The following DPF1 variants were observed in gnomAD, a reference collection of about 807,000 sequenced individuals.
The protein encoded by DPF1 is double PHD fingers 1, also known as zinc finger protein neuro-d4.
In DPF1, 14 loss-of-function variants were observed where a neutral mutation model predicts 58.7. The observed-to-expected ratio is 0.24, with a 90% CI of 0.16 to 0.37. The LOEUF (loss-of-function observed/expected upper bound fraction) is 0.37, where lower values mean the gene tolerates loss of function less well. Among genes scored for constraint, DPF1 ranks in the 10% least tolerant of loss-of-function variants. DPF1 has a pLI of 1.00. For missense variants in DPF1, 345 were observed against 529.9 expected (o/e 0.65, Z 3.43); for synonymous variants, 216 against 216.0 (o/e 1.00, Z 0.00).
chr19:38,217,676 C>T, intron 6 of DPF1, 85 bp from the exon 7 acceptor site: 1 of 1,542,602 alleles, frequency 6.5e-7, no homozygotes, highest in African/African-American at 1.4e-5. Context: ...CACACCTCCC[C>T]CCTCAGCCAG....
chr19:38,211,264 A>C lies in DPF1; in HGVS notation c.*799T>G, dbSNP rs1973390798. 6.7e-5 allele frequency: 10 copies of C among 148,492 alleles called. No homozygotes were observed. The South Asian group carries it at 7.1e-4, about 11-fold the overall frequency. 9.2% of individuals were successfully genotyped at this position (148,492 alleles called of 1,614,324 possible). On this transcript the variant is annotated 3_prime_UTR_variant, in exon 12 of 12. Transcript: ENST00000355526. This position sits in a 1 kb window ranked among gnomAD's most constrained non-coding sequence, Gnocchi z 4.0. Reference sequence around the variant, plus strand: ...GCCAGCGAGGGGGGCGGGGGCCGCCAGGCCTGGCGGGGCGGGAGGAGGGAG... The same window carrying C: ...GCCAGCGAGGGGGGCGGGGGCCGCCCGGCCTGGCGGGGCGGGAGGAGGGAG...
chr19:38,220,392 C>G (rs1461691292), intron 3 of DPF1, among the ~76,000 whole-genome samples: 1 of 151,914 alleles, frequency 6.6e-6, no homozygotes, highest in African/African-American at 2.4e-5. Context: ...GAGGCCGAGG[C>G]GGGCAGATCA....
At chr19:38,215,273 C>CTGAG (rs976172061) in intron 9 of DPF1, among the ~76,000 whole-genome samples, 1 of 151,428 alleles carries the variant, frequency 6.6e-6, no homozygotes, top group Non-Finnish European at 1.5e-5. Context: ...GGCAGATCAC[C>CTGAG]TGAGGTCAGG....
intron 7 of DPF1, 49 bp downstream of exon 7, chr19:38,217,394 CCCAGCTGGGCTCCTCTT>C: frequency 8.9e-7 from 1 of 1,128,156 alleles, no homozygotes; most frequent in South Asian, 1.4e-5. Flanking sequence ...CACCCCCACC[CCCAGCTGGGCTCCTCTT>C]CCCCACTCCC....
chr19:38,217,578 C>T lies in DPF1; in HGVS notation c.609G>A (p.Arg203=). The change falls in exon 7 of 12, where the codon CGG becomes CGA. Residue 203 remains arginine, a synonymous_variant. Transcript: ENST00000355526. ...KPYVCDICGK[R]YKNRPGLSYH... is the part of the protein sequence containing the mutation. ...AGCTGAGCCCCGGCCGGTTCTTATA[C>T]CGTTTCCCACAGACTGGGGAGCGAG... is the stretch of plus-strand genomic sequence containing the variant. 6.5e-7 allele frequency: 1 copy of T among 1,550,084 alleles called. No homozygotes were observed.
intron 6 of DPF1, 66 bp from the exon 7 acceptor site, chr19:38,217,657 C>T: frequency 2.6e-6 from 4 of 1,531,478 alleles, no homozygotes; most frequent in Non-Finnish European, 2.6e-6. Flanking sequence ...CCACCCTGGC[C>T]TCCAGGATCA....
chr19:38,220,286 AAG>A (rs200138958), intron 3 of DPF1, among the ~76,000 whole-genome samples: 7 of 149,600 alleles, frequency 4.7e-5, no homozygotes, highest in Non-Finnish European at 1.0e-4. Context: ...AGAAAAGAAA[AAG>A]AGAGAGAGAG....
chr19:38,212,187 G>A, intron 11 of DPF1, 54 bp from the exon 12 acceptor site: 1 of 1,554,550 alleles, frequency 6.4e-7, no homozygotes, highest in East Asian at 2.3e-5. Flanking sequence ...GGCTGCCCCA[G>A]CCCCTTCCCA....
chr19:38,215,993 C>CA (rs1966986322), intron 9 of DPF1, 147 bp downstream of exon 9: 3 of 1,372,804 alleles, frequency 2.2e-6, no homozygotes, highest in Non-Finnish European at 2.9e-6. Context: ...GCAGTTGCAT[C>CA]AGCCTCGCTA....
rs765271906 is a variant in DPF1 at position 38,222,542 on chromosome 19, C to G, written c.190+6G>C. 1 of 1,605,218 alleles carries G rather than the reference C, an allele frequency of 6.2e-7. No individual in the cohort carries two copies. The highest frequency in any genetic ancestry group is 8.5e-7 in the Non-Finnish European group (1 of 1,176,192). ...CCCCGCCCTGCGCCAGCCCTCCCGG[C>G]GGTACCCGGCCCGCGGTGGGTCTTC... On this transcript the variant is annotated splice_donor_region_variant and intron_variant, in intron 2 of 11. Transcript: ENST00000355526. This position sits in a 1 kb window ranked among gnomAD's most constrained non-coding sequence, Gnocchi z 4.9.
At chr19:38,221,578 T>C (rs4803885) in intron 3 of DPF1, among the ~76,000 whole-genome samples, 28,403 of 150,216 alleles carry the variant, frequency 0.19, 2,760 homozygotes, top group African/African-American at 0.23. Flanking sequence ...TCCATCCCAG[T>C]TCCCAGGGGA....
At chr19:38,213,453 T>TG (rs1973608866) in intron 10 of DPF1, among the ~76,000 whole-genome samples, 191 bp downstream of exon 10, 1 of 151,866 alleles carries the variant, frequency 6.6e-6, no homozygotes, top group South Asian at 2.1e-4. Flanking sequence ...CTTCAGAGGG[T>TG]GGTTGGGAGG....
chr19:38,224,250 C>T, upstream of DPF1: 1 of 1,266,782 alleles, frequency 7.9e-7, no homozygotes, highest in Non-Finnish European at 9.9e-7. The surrounding 1 kb of genome is among the most constrained non-coding windows in gnomAD (Gnocchi z 4.5). Context: ...GGCGGGAGCA[C>T]GAGGGCCACG....
chr19:38,213,272 G>A (rs1973592966), intron 10 of DPF1, among the ~76,000 whole-genome samples: 1 of 152,140 alleles, frequency 6.6e-6, no homozygotes, highest in African/African-American at 2.4e-5. Context: ...ACCGCGCTCC[G>A]CCTGTGGAAG....
chr19:38,216,277 G>A lies in DPF1; in HGVS notation c.779-18C>T. 3 of 1,613,848 alleles carry A rather than the reference G, an allele frequency of 1.9e-6. No homozygotes were observed. Among genetic ancestry groups the A allele is most frequent in the Non-Finnish European group, 1.7e-6 (2 of 1,179,760 alleles). ...CTTCTTGGCTGCAAGACAGCAGACA[G>A]GCATTGGCACGGGGCAGGCAAGGGC... On this transcript the variant is annotated intron_variant, in intron 8 of 11. Coordinates refer to ENST00000355526, the MANE Select transcript of DPF1 (RefSeq NM_001135155.3).
At chr19:38,224,292 G>C (rs1172789047), upstream of DPF1, 4 of 1,264,078 alleles carry the variant, frequency 3.2e-6, no homozygotes, top group Middle Eastern at 3.0e-4. This position sits in a 1 kb window ranked among gnomAD's most constrained non-coding sequence, Gnocchi z 4.5. Context: ...GGCCCGCCCG[G>C]GCCATGCTGG....
At position 38,213,768 on chromosome 19, in the gene DPF1, G is replaced by T; in HGVS notation, c.899-12C>A. The T allele has an allele frequency of 6.2e-7, 1 of 1,611,244 alleles. No individual in the cohort carries two copies. The highest frequency in any genetic ancestry group is 8.5e-7 in the Non-Finnish European group (1 of 1,177,886). On this transcript the variant is annotated splice_polypyrimidine_tract_variant and intron_variant, in intron 9 of 11. Coordinates refer to ENST00000355526, the MANE Select transcript of DPF1 (RefSeq NM_001135155.3). ...ACACGAGGGGTGTCCTGGGGGCCAAGGGGCAGGGGTGCAGTTAGGAGGTCA... is the reference window on the plus strand; with the variant it reads ...ACACGAGGGGTGTCCTGGGGGCCAATGGGCAGGGGTGCAGTTAGGAGGTCA...
Position 38,222,382 on chromosome 19 carries a change from T to G in DPF1, c.273A>C (p.Arg91Ser). 1 of 1,588,362 alleles carries G rather than the reference T, an allele frequency of 6.3e-7. No individual in the cohort carries two copies. The highest frequency in any genetic ancestry group is 8.5e-7 in the Non-Finnish European group (1 of 1,173,274). ...CGATCTTGTACTCGCAGGGCCTGAG[T>G]CTGGGGTCCTCCAGGATGTTGAGTC... is the stretch of plus-strand genomic sequence containing the variant. ...KRRLNILEDP[R>S]LRPCEYKIDC... Residue 91 changes from arginine (R) to serine (S), a missense_variant, in exon 3 of 12, where the codon AGA (arginine) becomes AGC (serine). Physicochemically the swap from Arg to Ser is moderately radical, Grantham distance 110. Coordinates refer to ENST00000355526, the MANE Select transcript of DPF1 (RefSeq NM_001135155.3). This position sits in a 1 kb window ranked among gnomAD's most constrained non-coding sequence, Gnocchi z 4.9.
upstream of DPF1, chr19:38,224,391 C>T (rs866635544): frequency 3.0e-5 from 26 of 870,204 alleles, no homozygotes; most frequent in Middle Eastern, 3.9e-4. The surrounding 1 kb of genome is among the most constrained non-coding windows in gnomAD (Gnocchi z 4.5). Context: ...CCGTCACTCA[C>T]CCGCCCTCAC....
Sources: gnomAD v4.1 joint callset for allele counts (sites outside exome capture counted in the v4.1 genomes callset) on GRCh38, gnomAD v4.1.1 for gene constraint, Gnocchi (gnomAD v3.1) non-coding constraint, MANE v1.5 for transcripts, NCBI Gene and HGNC (gene_info 2026-07-23, HGNC 2026-07-21) for gene names.